DPY19L3: variants seen among roughly 807,000 people sequenced by gnomAD.
The protein encoded by DPY19L3 is protein C-mannosyl-transferase DPY19L3.
Under a neutral mutation model 92.3 loss-of-function variants are expected in DPY19L3, and 51 were observed. The ratio of observed to expected loss-of-function variants is 0.55; its 90% CI spans 0.44 to 0.70. DPY19L3 has a LOEUF of 0.70. DPY19L3 is among the 30% of genes least tolerant of loss of function. DPY19L3 has a pLI of 0.00. For synonymous variants in DPY19L3, 309 were observed against 315.2 expected (o/e 0.98, Z 0.21); for missense variants, 706 against 855.9 (o/e 0.82, Z 2.18).
chr19:32,462,526 T>G (rs1343690583), intron 12 of DPY19L3, among the ~76,000 whole-genome samples: 1 of 152,118 alleles, frequency 6.6e-6, no homozygotes, highest in African/African-American at 2.4e-5. Flanking sequence ...AAAAATGAAC[T>G]TGTGTCTGAT....
intron 3 of DPY19L3, among the ~76,000 whole-genome samples, chr19:32,419,324 C>T (rs1968485725): frequency 6.6e-6 from 1 of 151,792 alleles, no homozygotes; most frequent in African/African-American, 2.4e-5. Flanking sequence ...CCACGCCTGG[C>T]TAATTTTTTG....
intron 16 of DPY19L3, among the ~76,000 whole-genome samples, chr19:32,474,460 C>T (rs991202106): frequency 1.3e-5 from 2 of 152,246 alleles, no homozygotes; most frequent in African/African-American, 4.8e-5. Flanking sequence ...AGAGCATCTT[C>T]AGTGACTGCT....
At chr19:32,479,778 C>T (rs1250940328) in intron 17 of DPY19L3, among the ~76,000 whole-genome samples, 2 of 152,336 alleles carry the variant, frequency 1.3e-5, no homozygotes, top group South Asian at 2.1e-4. Context: ...AAGGGGGCCT[C>T]CTGTGGCGTT....
At chr19:32,436,749 A>C (rs949365893) in intron 5 of DPY19L3, among the ~76,000 whole-genome samples, 182 bp downstream of exon 5, 8 of 152,108 alleles carry the variant, frequency 5.3e-5, no homozygotes, top group African/African-American at 1.9e-4. Context: ...TTTACATAGG[A>C]TATAAGGTTT....
chr19:32,433,893 A>C (rs953752193), intron 4 of DPY19L3, among the ~76,000 whole-genome samples: 8 of 152,202 alleles, frequency 5.3e-5, no homozygotes, highest in African/African-American at 1.7e-4. Flanking sequence ...TTTAGCAGCC[A>C]TTGATGATTA....
chr19:32,436,879 A>T (rs1020448633), intron 5 of DPY19L3, among the ~76,000 whole-genome samples: 1 of 152,154 alleles, frequency 6.6e-6, no homozygotes, highest in Non-Finnish European at 1.5e-5. Flanking sequence ...CTTTGAGAGA[A>T]AAAATTTGTA....
chr19:32,460,831 G>A (rs944989009), intron 12 of DPY19L3, among the ~76,000 whole-genome samples: 1 of 142,570 alleles, frequency 7.0e-6, no homozygotes, highest in Admixed American at 7.2e-5. Flanking sequence ...TACTAGGAAG[G>A]ATGATACTAT....
chr19:32,464,251 C>A (rs561285005), intron 14 of DPY19L3, among the ~76,000 whole-genome samples: 6 of 151,894 alleles, frequency 4.0e-5, no homozygotes, highest in African/African-American at 1.4e-4. Flanking sequence ...TTAAAATTAC[C>A]AATAATCCCC....
At chr19:32,442,912 G>A (rs1350554719) in intron 8 of DPY19L3, among the ~76,000 whole-genome samples, 1 of 152,146 alleles carries the variant, frequency 6.6e-6, no homozygotes, top group Non-Finnish European at 1.5e-5. Context: ...GTCTAGTGGG[G>A]AACCAGAACT....
At chr19:32,461,929 C>T (rs182687916) in intron 12 of DPY19L3, among the ~76,000 whole-genome samples, 149 of 152,230 alleles carry the variant, frequency 9.8e-4, no homozygotes, top group South Asian at 2.3e-3. Context: ...GGAATAGAGC[C>T]GTCCTGTTTT....
chr19:32,424,128 G>A (rs1968674503), intron 3 of DPY19L3, among the ~76,000 whole-genome samples: 1 of 152,018 alleles, frequency 6.6e-6, no homozygotes, highest in Admixed American at 6.6e-5. Flanking sequence ...ACCAGCCTGG[G>A]CAACATAGTG....
intron 16 of DPY19L3, among the ~76,000 whole-genome samples, chr19:32,473,709 G>A (rs988339773): frequency 2.0e-5 from 3 of 152,248 alleles, no homozygotes; most frequent in Non-Finnish European, 4.4e-5. Context: ...TTACCACGGA[G>A]CTGGCGTATG....
intron 12 of DPY19L3, among the ~76,000 whole-genome samples, chr19:32,462,690 A>G (rs1483801303): frequency 6.6e-6 from 1 of 152,236 alleles, no homozygotes; most frequent in Non-Finnish European, 1.5e-5. Flanking sequence ...AGATACTTTT[A>G]TAGATCAAAA....
At position 32,466,575 on chromosome 19, in the gene DPY19L3, G is replaced by T. The variant is rs1599666136; in HGVS notation, c.1614+1791G>T. On this transcript the variant is annotated intron_variant, in intron 15 of 18. Transcript: ENST00000392250. ...AAAATGTCACCAGACATTGCCAAAT[G>T]CCCTGGGGCTGGGGCTAGGGGCACA... Among the ~76,000 whole-genome samples the T allele has an allele frequency of 2.0e-5, 3 of 152,244 alleles. No homozygotes were observed. In the South Asian group the frequency reaches 6.2e-4, roughly 31 times the overall value.
chr19:32,427,137 G>A (rs1968791639), intron 3 of DPY19L3, among the ~76,000 whole-genome samples: 1 of 152,080 alleles, frequency 6.6e-6, no homozygotes, highest in Non-Finnish European at 1.5e-5. Flanking sequence ...GGAACTACAG[G>A]GGCATACCAC....
At chr19:32,409,259 A>G (rs1017697272) in intron 2 of DPY19L3, among the ~76,000 whole-genome samples, 2 of 152,252 alleles carry the variant, frequency 1.3e-5, no homozygotes, top group Non-Finnish European at 2.9e-5. Flanking sequence ...TATTCTGCAC[A>G]TGTATACCCA....
rs576520217 is a variant in DPY19L3 at position 32,479,594 on chromosome 19, G to T, written c.1831-805G>T. 4.7e-4 allele frequency: 206 copies of T among 435,662 alleles called. 1 individual carries two copies. Among genetic ancestry groups the T allele is most frequent in the South Asian group, 3.1e-3 (194 of 61,804 alleles). The allele number at this position is 435,662 out of a possible 1,614,324, so 27.0% of individuals were successfully genotyped here. Reference sequence around the variant, plus strand: ...TGGACACATCAAGTTAGACCCTCAAGCCCAAATCAGAAATCTAGCACTCGA... The same window carrying T: ...TGGACACATCAAGTTAGACCCTCAATCCCAAATCAGAAATCTAGCACTCGA... On this transcript the variant is annotated intron_variant, in intron 17 of 18. Transcript: ENST00000392250.
At position 32,458,640 on chromosome 19, in the gene DPY19L3, C is replaced by T. The variant is rs116011213; in HGVS notation, c.1322+131C>T. 9.8e-4 allele frequency: 907 copies of T among 928,114 alleles called. 7 individuals are homozygous for T. In the African/African-American group the frequency reaches 0.013, roughly 14 times the overall value. The allele number at this position is 928,114 out of a possible 1,614,324, so 57.5% of individuals were successfully genotyped here. A position where few individuals can be genotyped will look rare whatever the true frequency, so the allele number is the denominator to read the frequency against. On this transcript the variant is annotated intron_variant, in intron 12 of 18. Transcript: ENST00000392250. ...TTCATCTTAAAGGGGGAACATACCT[C>T]GTTTAGAGTGGACTACACTCCCAGT...
At chr19:32,426,157 C>G (rs1968754924) in intron 3 of DPY19L3, among the ~76,000 whole-genome samples, 1 of 152,236 alleles carries the variant, frequency 6.6e-6, no homozygotes, top group Admixed American at 6.5e-5. Flanking sequence ...CCCTCAACCT[C>G]ATGAACCAAC....
Sources: allele counts gnomAD v4.1 joint callset (sites outside exome capture counted in the v4.1 genomes callset), GRCh38; gene constraint gnomAD v4.1.1; transcripts MANE v1.5; gene names NCBI Gene and HGNC (gene_info 2026-07-23, HGNC 2026-07-21).